The following RGS7 variants were observed in gnomAD, a reference collection of about 807,000 sequenced individuals.
RGS7 encodes regulator of G protein signaling 7, also known as regulator of G-protein signaling 7.
RGS7 carries 27 observed loss-of-function variants against 81.1 expected under a neutral mutation model. That is an observed-to-expected ratio of 0.33 (90% CI 0.25 to 0.46). RGS7 has a LOEUF of 0.46. RGS7 is among the 20% of genes least tolerant of loss of function. The pLI, the probability that RGS7 is intolerant of heterozygous loss-of-function variation, is 1.00. For synonymous variants in RGS7, 208 were observed against 207.7 expected (o/e 1.00, Z -0.01); for missense variants, 396 against 607.4 (o/e 0.65, Z 3.66).
chr1:241,042,614 T>C (rs1449884337), intron 3 of RGS7, among the ~76,000 whole-genome samples: 3 of 152,102 alleles, frequency 2.0e-5, no homozygotes, highest in African/African-American at 4.8e-5. Context: ...CTTCATTTTA[T>C]TGGAGCATGC....
chr1:241,275,182 A>C (rs1279785232), intron 2 of RGS7, among the ~76,000 whole-genome samples: 5 of 152,186 alleles, frequency 3.3e-5, no homozygotes, highest in Non-Finnish European at 5.9e-5. Context: ...GTTGGGGGAA[A>C]AGTGGATTAT....
Position 240,958,571 on chromosome 1 carries a change from G to A in RGS7, c.227-21865C>T, listed in dbSNP as rs115932525. On this transcript the variant is annotated intron_variant, in intron 4 of 18. Transcript: ENST00000440928. ...CTCACTCCTTAGTGATGCTCTGCAG[G>A]ACGACTTTTATTCTTTCTCTATAAA... Among the ~76,000 whole-genome samples the A allele has an allele frequency of 8.4e-3, 1,274 of 152,228 alleles. 25 individuals are homozygous for A. The highest frequency in any genetic ancestry group is 0.029 in the African/African-American group (1,211 of 41,518).
intron 2 of RGS7, among the ~76,000 whole-genome samples, chr1:241,223,940 T>C (rs986336609): frequency 6.6e-6 from 1 of 151,700 alleles, no homozygotes; most frequent in Non-Finnish European, 1.5e-5. Context: ...TAGGAATAAG[T>C]TAGATGGTCA....
At chr1:241,298,207 C>T (rs12062959) in intron 2 of RGS7, among the ~76,000 whole-genome samples, 11,434 of 150,870 alleles carry the variant, frequency 0.076, 847 homozygotes, top group African/African-American at 0.17. Context: ...AGAATCACAA[C>T]GCCCAACTAC....
chr1:241,149,963 A>AG (rs2068631157), intron 2 of RGS7, among the ~76,000 whole-genome samples: 1 of 152,054 alleles, frequency 6.6e-6, no homozygotes, highest in Admixed American at 6.5e-5. Context: ...TAGTAGAGAC[A>AG]GGGTTTCACC....
intron 10 of RGS7, among the ~76,000 whole-genome samples, chr1:240,821,357 C>G (rs555933130): frequency 6.6e-6 from 1 of 152,292 alleles, no homozygotes; most frequent in South Asian, 2.1e-4. Context: ...GAGGCTGAGA[C>G]AGGAGAATCA....
At chr1:241,146,149 T>C (rs1020431527) in intron 2 of RGS7, among the ~76,000 whole-genome samples, 9 of 152,148 alleles carry the variant, frequency 5.9e-5, no homozygotes, top group Admixed American at 5.2e-4. Flanking sequence ...CTGGCATCCA[T>C]GCATCCACGG....
At chr1:241,185,127 A>G (rs2071979482) in intron 2 of RGS7, among the ~76,000 whole-genome samples, 1 of 152,206 alleles carries the variant, frequency 6.6e-6, no homozygotes, top group South Asian at 2.1e-4. Flanking sequence ...AGCATTTTTA[A>G]CATTAAACTT....
rs1296547948 is a variant in RGS7, at chr1:241,058,692, A to G, written c.175+39974T>C. Among the ~76,000 whole-genome samples, 3 of 152,200 alleles carry G rather than the reference A, an allele frequency of 2.0e-5. No homozygotes were observed. In the East Asian group the frequency reaches 5.8e-4, roughly 29 times the overall value. ...TGGAAACTACTTAAGTGTAAAGACG[A>G]TGTTCATCTTTGAATAACCTGAGAC... On this transcript the variant is annotated intron_variant, in intron 3 of 18. Transcript: ENST00000440928.
intron 2 of RGS7, among the ~76,000 whole-genome samples, chr1:241,154,442 T>C (rs1371848220): frequency 6.6e-6 from 1 of 152,060 alleles, no homozygotes; most frequent in African/African-American, 2.4e-5. Context: ...AAGAAAGCCA[T>C]AACATGCAAG....
chr1:240,890,132 C>A (rs1246034074), intron 6 of RGS7, among the ~76,000 whole-genome samples: 2 of 152,192 alleles, frequency 1.3e-5, no homozygotes, highest in African/African-American at 4.8e-5. Flanking sequence ...GGTGGACATA[C>A]TTCCTTGATC....
intron 2 of RGS7, among the ~76,000 whole-genome samples, chr1:241,245,871 G>A (rs772522674): frequency 2.6e-5 from 4 of 151,954 alleles, no homozygotes; most frequent in East Asian, 3.9e-4. Flanking sequence ...TTGGGAGGCC[G>A]AGGTGGGTGG....
chr1:240,997,810 C>A (rs774165287), intron 3 of RGS7, among the ~76,000 whole-genome samples: 3 of 152,178 alleles, frequency 2.0e-5, no homozygotes, highest in Non-Finnish European at 2.9e-5. Context: ...GGCAACAGAG[C>A]AAGACTTTGT....
chr1:241,239,746 G>C (rs1409215690), intron 2 of RGS7, among the ~76,000 whole-genome samples: 1 of 152,192 alleles, frequency 6.6e-6, no homozygotes. Context: ...CAAATGATCA[G>C]GCTTCATCTC....
intron 6 of RGS7, among the ~76,000 whole-genome samples, chr1:240,879,088 A>G (rs1302169703): frequency 6.6e-6 from 1 of 152,166 alleles, no homozygotes; most frequent in East Asian, 1.9e-4. Context: ...AAATATTCCT[A>G]CCTTCATTCC....
intron 18 of RGS7, among the ~76,000 whole-genome samples, chr1:240,780,439 CAA>C (rs34568911): frequency 0.09 from 3,554 of 39,620 alleles, 171 homozygotes; most frequent in African/African-American, 0.25. Flanking sequence ...GACTCTGTCT[CAA>C]AAAAAAAAAA....
At chr1:241,328,392 G>C (rs1425809303) in intron 2 of RGS7, among the ~76,000 whole-genome samples, 3 of 152,166 alleles carry the variant, frequency 2.0e-5, no homozygotes, top group Non-Finnish European at 4.4e-5. Context: ...CTGCTCACTT[G>C]TCCACTTTCA....
In RGS7 at chr1:241,337,355, C is replaced by T. The variant is rs116072960; in HGVS notation, c.78+18344G>A. Among the ~76,000 whole-genome samples, 622 of 152,250 alleles carry T rather than the reference C, an allele frequency of 4.1e-3. 3 individuals are homozygous for T. The highest frequency in any genetic ancestry group is 7.3e-3 in the Non-Finnish European group (494 of 68,026). The stretch of plus-strand genomic sequence containing the variant: ...AGAAGTTGAACAATCATTTAATGGA[C>T]AGTGTGTTCTACCAGAGTATATTGC... On this transcript the variant is annotated intron_variant, in intron 2 of 18. Coordinates refer to ENST00000440928, the MANE Select transcript of RGS7 (RefSeq NM_001364886.1).
At chr1:241,033,079 G>T (rs2060158355) in intron 3 of RGS7, among the ~76,000 whole-genome samples, 1 of 152,200 alleles carries the variant, frequency 6.6e-6, no homozygotes, top group African/African-American at 2.4e-5. Context: ...AAGGGGGCTG[G>T]GTGCGGTAGC....
Sources: allele counts gnomAD v4.1 joint callset (sites outside exome capture counted in the v4.1 genomes callset), GRCh38; gene constraint gnomAD v4.1.1; transcripts MANE v1.5; gene names NCBI Gene and HGNC (gene_info 2026-07-23, HGNC 2026-07-21).